Variants in CPT1A observed in about 807,000 individuals in gnomAD.
CPT1A encodes the protein carnitine palmitoyltransferase 1A, also known as carnitine O-palmitoyltransferase 1, liver isoform.
In CPT1A, 64 loss-of-function variants were observed where a neutral mutation model predicts 100.8. The ratio of observed to expected loss-of-function variants is 0.63; its 90% confidence interval spans 0.52 to 0.78. The LOEUF is 0.78. CPT1A is among the 30% of genes least tolerant of loss of function. The probability of loss-of-function intolerance (pLI) is 0.00; values close to 1 mark genes in which losing one functional copy is unlikely to be tolerated. For missense variants in CPT1A, 802 were observed against 1,034.1 expected (o/e 0.78, Z 3.08); for synonymous variants, 363 against 396.0 (o/e 0.92, Z 0.99).
intron 16 of CPT1A, among the ~76,000 whole-genome samples, chr11:68,760,795 C>T (rs1267765386): frequency 6.6e-6 from 1 of 152,144 alleles, no homozygotes; most frequent in Non-Finnish European, 1.5e-5. Context: ...GGTGGATTGC[C>T]TGAGCTCAGG....
intron 9 of CPT1A, among the ~76,000 whole-genome samples, chr11:68,788,721 A>T (rs4930247): frequency 0.79 from 119,058 of 150,390 alleles, 48,291 homozygotes; most frequent in South Asian, 0.89. Flanking sequence ...ATCCATTTTT[A>T]AAAAATATAC....
chr11:68,760,040 CA>C (rs1262359763), intron 17 of CPT1A, among the ~76,000 whole-genome samples, 184 bp downstream of exon 17: 1 of 151,622 alleles, frequency 6.6e-6, no homozygotes, highest in African/African-American at 2.4e-5. Flanking sequence ...GACCTTGTCT[CA>C]AAAAAATAAA....
chr11:68,773,316 G>C lies in CPT1A; in HGVS notation c.1689C>G (p.Arg563=). ...AFGKGIIKKC[R]TSPDAFVQLA... is the part of the protein sequence containing the mutation. ...GCTGCACAAAGGCGTCTGGGCTCGT[G>C]CGACATTTCTTGATGATTCCTTTAC... The change falls in exon 14 of 19, where the codon CGC becomes CGG. Residue 563 remains arginine, a synonymous_variant. Transcript: ENST00000265641. The C allele has an allele frequency of 6.2e-7, 1 of 1,614,184 alleles. No homozygotes were observed. The highest frequency in any genetic ancestry group is 8.5e-7 in the Non-Finnish European group (1 of 1,180,032).
chr11:68,812,528 T>A lies in CPT1A; in HGVS notation c.190A>T (p.Ile64Phe). The A allele has an allele frequency of 1.2e-6, 2 of 1,614,178 alleles. No individual in the cohort carries two copies. Among genetic ancestry groups the A allele is most frequent in the Non-Finnish European group, 1.7e-6 (2 of 1,180,036 alleles). ...VYPASPSSWL[I>F]VVVGVMTTMY... ...GTTGTCATCACGCCCACCACCACGA[T>A]AAGCCAACTGGAGGGGCTTGCCGGG... The change falls in exon 3 of 19, where the codon ATC becomes TTC. Residue 64 changes from isoleucine (I) to phenylalanine (F), a missense_variant. Physicochemically the swap from Ile to Phe is conservative, Grantham distance 21. Transcript: ENST00000265641.
At chr11:68,768,963 C>T (rs1854905777) in intron 14 of CPT1A, among the ~76,000 whole-genome samples, 1 of 152,212 alleles carries the variant, frequency 6.6e-6, no homozygotes, top group South Asian at 2.1e-4. Flanking sequence ...AGGCAAAAAT[C>T]TAGTCTTGTT....
At chr11:68,772,897 C>A (rs1428899238) in intron 14 of CPT1A, among the ~76,000 whole-genome samples, 1 of 152,116 alleles carries the variant, frequency 6.6e-6, no homozygotes, top group Non-Finnish European at 1.5e-5. Flanking sequence ...CAGACGAATA[C>A]GTAACTGACT....
chr11:68,774,632 G>A (rs1461394988), intron 13 of CPT1A, among the ~76,000 whole-genome samples: 1 of 151,218 alleles, frequency 6.6e-6, no homozygotes, highest in Non-Finnish European at 1.5e-5. Flanking sequence ...TAGTAGAGAC[G>A]GGGTTTCACC....
chr11:68,769,188 C>T (rs1172560628), intron 14 of CPT1A, among the ~76,000 whole-genome samples: 1 of 152,132 alleles, frequency 6.6e-6, no homozygotes, highest in Admixed American at 6.5e-5. Context: ...CTCCATTACA[C>T]GTTATTTCCC....
chr11:68,842,120 TC>T (rs1369641898), upstream of CPT1A, among the ~76,000 whole-genome samples: 1 of 152,094 alleles, frequency 6.6e-6, no homozygotes, highest in Non-Finnish European at 1.5e-5. Flanking sequence ...AGTTTCCTCA[TC>T]CGTAAAACGA....
chr11:68,837,061 CTTTT>C (rs1371181409), intron 1 of CPT1A, among the ~76,000 whole-genome samples: 2 of 151,940 alleles, frequency 1.3e-5, no homozygotes, highest in Non-Finnish European at 2.9e-5. Context: ...CTTTTCTTTT[CTTTT>C]TTGAGACGGA....
intron 3 of CPT1A, among the ~76,000 whole-genome samples, chr11:68,810,132 C>T (rs1300630663): frequency 6.6e-6 from 1 of 152,080 alleles, no homozygotes; most frequent in Admixed American, 6.5e-5. Flanking sequence ...GTGCCGAGAT[C>T]GCACCACTGC....
intron 18 of CPT1A, among the ~76,000 whole-genome samples, chr11:68,757,933 C>T (rs941543532): frequency 8.5e-5 from 13 of 152,100 alleles, no homozygotes; most frequent in African/African-American, 3.1e-4. Context: ...TGTGTTTGTG[C>T]GGGTGTGTTG....
At chr11:68,775,219 G>C (rs1219670374) in intron 13 of CPT1A, 97 bp downstream of exon 13, 1 of 1,030,618 alleles carries the variant, frequency 9.7e-7, no homozygotes, top group Non-Finnish European at 1.5e-6. Flanking sequence ...CTGAGCTCAT[G>C]ATAGGGCAGG....
chr11:68,805,588 G>A (rs1856019509), intron 4 of CPT1A, among the ~76,000 whole-genome samples: 1 of 152,148 alleles, frequency 6.6e-6, no homozygotes, highest in Non-Finnish European at 1.5e-5. Context: ...GCACCACTGT[G>A]GGGGCCATCC....
intron 17 of CPT1A, 48 bp downstream of exon 17, chr11:68,760,177 T>A: frequency 7.5e-7 from 1 of 1,339,094 alleles, no homozygotes; most frequent in South Asian, 1.2e-5. Flanking sequence ...CCATTACCCA[T>A]CCCATCACCA....
intron 9 of CPT1A, among the ~76,000 whole-genome samples, chr11:68,790,097 C>T (rs1011659965): frequency 6.6e-6 from 1 of 151,772 alleles, no homozygotes; most frequent in Non-Finnish European, 1.5e-5. Flanking sequence ...GACAGGGTCT[C>T]ATTCTGTCAC....
intron 1 of CPT1A, among the ~76,000 whole-genome samples, chr11:68,823,563 A>C (rs759823693): frequency 4.7e-4 from 70 of 148,978 alleles, no homozygotes; most frequent in Non-Finnish European, 8.5e-4. Flanking sequence ...CCGAGGCGGG[A>C]GGATCAACTG....
intron 1 of CPT1A, among the ~76,000 whole-genome samples, 186 bp from the exon 2 acceptor site, chr11:68,815,673 A>G (rs1856366140): frequency 6.6e-6 from 1 of 152,170 alleles, no homozygotes; most frequent in Admixed American, 6.5e-5. Flanking sequence ...CACCGCTACA[A>G]AGACAGTCGC....
At position 68,814,302 on chromosome 11, in the gene CPT1A, C is replaced by CT. The variant is rs1241903164; in HGVS notation, c.141+1031dup. Reference sequence around the variant, plus strand: ...CTGTATTTGAACTTGTGGAGAGTTTCTTTTTTTTTGTTTGTTTTTTTTGAG... The same window carrying CT: ...CTGTATTTGAACTTGTGGAGAGTTTCTTTTTTTTTTGTTTGTTTTTTTTGAG... On this transcript the variant is annotated intron_variant, in intron 2 of 18. Coordinates refer to ENST00000265641, the MANE Select transcript of CPT1A (RefSeq NM_001876.4). Among the ~76,000 whole-genome samples, 16 of 151,508 alleles carry CT rather than the reference C, an allele frequency of 1.1e-4. 1 individual carries two copies. The South Asian group carries it at 2.3e-3, about 22-fold the overall frequency.
Sources: gnomAD v4.1 joint callset for allele counts (sites outside exome capture counted in the v4.1 genomes callset) on GRCh38, gnomAD v4.1.1 for gene constraint, MANE v1.5 for transcripts, NCBI Gene and HGNC (gene_info 2026-07-23, HGNC 2026-07-21) for gene names.